Variants in ABTB3 observed in about 807,000 individuals in gnomAD.
The protein encoded by ABTB3 is ankyrin repeat and BTB domain containing 3, also known as ankyrin repeat- and BTB/POZ domain-containing protein 3.
At chr12:107,482,913 CTTCTTTCTTTCTTTCTTTCT>C in the ABTB3 span, among the ~76,000 whole-genome samples, 246 of 118,042 alleles carry the variant, frequency 2.1e-3, 2 homozygotes, top group East Asian at 5.3e-3. Flanking sequence ...TCTCTTTCTT[CTTCTTTCTTTCTTTCTTTCT>C]TTCTTTCTTT....
the ABTB3 span, among the ~76,000 whole-genome samples, chr12:107,397,724 AG>A: frequency 3.4e-4 from 52 of 152,186 alleles, no homozygotes; most frequent in East Asian, 8.9e-3. Context: ...ATAATGTTGA[AG>A]TTTGTGTTTC....
At chr12:107,342,359 G>A in the ABTB3 span, among the ~76,000 whole-genome samples, 1 of 152,054 alleles carries the variant, frequency 6.6e-6, no homozygotes, top group Non-Finnish European at 1.5e-5. Flanking sequence ...AGGTGTAGTT[G>A]GCTTGCTCTG....
chr12:107,331,980 T>C, the ABTB3 span, among the ~76,000 whole-genome samples: 1 of 152,176 alleles, frequency 6.6e-6, no homozygotes, highest in Admixed American at 6.5e-5. Context: ...ATGAGAGCTA[T>C]GGATTAAGGA....
chr12:107,528,669 A>T, the ABTB3 span, among the ~76,000 whole-genome samples: 1 of 152,190 alleles, frequency 6.6e-6, no homozygotes, highest in South Asian at 2.1e-4. Context: ...AACTTCAGGG[A>T]TCCCTGTGCC....
At chr12:107,444,412 G>A in the ABTB3 span, among the ~76,000 whole-genome samples, 3 of 152,162 alleles carry the variant, frequency 2.0e-5, no homozygotes, top group African/African-American at 7.2e-5. Flanking sequence ...TTAACCCTAT[G>A]ACCAGCACCT....
At chr12:107,375,572 G>A in the ABTB3 span, among the ~76,000 whole-genome samples, 254 of 152,292 alleles carry the variant, frequency 1.7e-3, 3 homozygotes, top group South Asian at 0.037. Context: ...CCGGGGGCCC[G>A]GTGCCGTTCT....
At chr12:107,457,466 G>A in the ABTB3 span, among the ~76,000 whole-genome samples, 1 of 152,190 alleles carries the variant, frequency 6.6e-6, no homozygotes, top group Admixed American at 6.5e-5. Flanking sequence ...AAGATTTCCT[G>A]ACACTTCTTA....
At chr12:107,549,608 G>A in the ABTB3 span, among the ~76,000 whole-genome samples, 1 of 152,274 alleles carries the variant, frequency 6.6e-6, no homozygotes, top group African/African-American at 2.4e-5. Flanking sequence ...GCCCAGTATG[G>A]GTAGAAGATT....
the ABTB3 span, among the ~76,000 whole-genome samples, chr12:107,444,765 G>A: frequency 2.0e-5 from 3 of 152,302 alleles, no homozygotes; most frequent in South Asian, 4.1e-4. Flanking sequence ...TGGATAAAAG[G>A]GAGATTTTAT....
At chr12:107,600,988 G>T in the ABTB3 span, among the ~76,000 whole-genome samples, 1 of 152,168 alleles carries the variant, frequency 6.6e-6, no homozygotes, top group East Asian at 1.9e-4. Flanking sequence ...GTGTCCAGAT[G>T]GCCTGATTAA....
chr12:107,324,941 G>A, the ABTB3 span, among the ~76,000 whole-genome samples: 1 of 152,172 alleles, frequency 6.6e-6, no homozygotes, highest in Non-Finnish European at 1.5e-5. Context: ...TCTGTACAGT[G>A]AGGATTACAA....
the ABTB3 span, among the ~76,000 whole-genome samples, chr12:107,627,741 A>C: frequency 6.6e-6 from 1 of 152,200 alleles, no homozygotes; most frequent in South Asian, 2.1e-4. Flanking sequence ...CATCTAGCCC[A>C]GTGAATATCC....
the ABTB3 span, among the ~76,000 whole-genome samples, chr12:107,597,641 A>G: frequency 6.6e-6 from 1 of 152,226 alleles, no homozygotes; most frequent in Non-Finnish European, 1.5e-5. Flanking sequence ...CATAGCAGGC[A>G]GGTATTTTCT....
At chr12:107,377,056 G>T in the ABTB3 span, among the ~76,000 whole-genome samples, 2 of 152,144 alleles carry the variant, frequency 1.3e-5, no homozygotes, top group African/African-American at 2.4e-5. Context: ...GGACTGAAGG[G>T]CCTCCCCCAC....
chr12:107,370,157 C>A, the ABTB3 span, among the ~76,000 whole-genome samples: 2 of 152,234 alleles, frequency 1.3e-5, no homozygotes, highest in Admixed American at 6.5e-5. Flanking sequence ...CCAGGCCTCA[C>A]CAAGGTAGGT....
At chr12:107,486,954 G>A in the ABTB3 span, among the ~76,000 whole-genome samples, 1 of 152,106 alleles carries the variant, frequency 6.6e-6, no homozygotes, top group African/African-American at 2.4e-5. Flanking sequence ...GCTGGGGTTT[G>A]AACCCAGGTA....
At chr12:107,517,996 C>T in the ABTB3 span, among the ~76,000 whole-genome samples, 10 of 151,982 alleles carry the variant, frequency 6.6e-5, no homozygotes, top group South Asian at 2.1e-4. Flanking sequence ...TTTATGCAGC[C>T]GACACATGAA....
the ABTB3 span, among the ~76,000 whole-genome samples, chr12:107,432,377 T>C: frequency 6.6e-6 from 1 of 152,234 alleles, no homozygotes; most frequent in African/African-American, 2.4e-5. Flanking sequence ...CATAAAGTTA[T>C]TGAGTCCTCA....
chr12:107,516,267 G>A, the ABTB3 span, among the ~76,000 whole-genome samples: 70 of 150,770 alleles, frequency 4.6e-4, no homozygotes, highest in African/African-American at 1.5e-3. Flanking sequence ...GTCTCACTGT[G>A]TCACCCAGGC....
Sources: allele counts gnomAD v4.1 joint callset (sites outside exome capture counted in the v4.1 genomes callset), GRCh38; gene constraint gnomAD v4.1.1; transcripts MANE v1.5; gene names NCBI Gene and HGNC (gene_info 2026-07-23, HGNC 2026-07-21).